Variants in SDHB observed in about 807,000 individuals in gnomAD.
SDHB encodes the protein succinate dehydrogenase complex iron sulfur subunit B.
SDHB carries 21 observed loss-of-function variants against 39.7 expected under a neutral mutation model. That is an observed-to-expected ratio of 0.53 (90% confidence interval 0.37 to 0.76). SDHB has a LOEUF of 0.76. Among genes scored for constraint, SDHB ranks in the 30% least tolerant of loss-of-function variants. The pLI is 0.00. For synonymous variants in SDHB, 118 were observed against 117.0 expected (o/e 1.01, Z -0.06); for missense variants, 343 against 350.9 (o/e 0.98, Z 0.18).
intron 7 of SDHB, among the ~76,000 whole-genome samples, chr1:17,021,068 A>G (rs1014581113): frequency 3.3e-5 from 5 of 152,188 alleles, no homozygotes; most frequent in African/African-American, 9.7e-5. Context: ...GTTCTGAACC[A>G]CACAGCCCTA....
intron 2 of SDHB, among the ~76,000 whole-genome samples, chr1:17,034,147 A>ATT (rs34218856): frequency 1.3e-5 from 2 of 151,318 alleles, no homozygotes; most frequent in Non-Finnish European, 2.9e-5. Context: ...TCTGTATTTC[A>ATT]TTTTTTTTCT....
At chr1:17,030,538 C>T (rs577858775) in intron 3 of SDHB, among the ~76,000 whole-genome samples, 10 of 152,154 alleles carry the variant, frequency 6.6e-5, no homozygotes, top group Non-Finnish European at 1.3e-4. Context: ...CCTGGACCTA[C>T]TTCCTGTATA....
chr1:17,035,171 CAT>C (rs1227836760), intron 2 of SDHB, among the ~76,000 whole-genome samples: 1 of 152,180 alleles, frequency 6.6e-6, no homozygotes, highest in Non-Finnish European at 1.5e-5. Flanking sequence ...TTTAAACATA[CAT>C]GAGTTAAATG....
chr1:17,045,995 T>C (rs2078108667), intron 1 of SDHB, among the ~76,000 whole-genome samples: 1 of 152,226 alleles, frequency 6.6e-6, no homozygotes, highest in South Asian at 2.1e-4. Flanking sequence ...TCCAATTTTT[T>C]GTTCAACATG....
intron 5 of SDHB, 63 bp from the exon 6 acceptor site, chr1:17,024,137 T>C (rs2077979356): frequency 2.6e-6 from 3 of 1,152,706 alleles, no homozygotes; most frequent in Non-Finnish European, 3.9e-6. Flanking sequence ...TGTCTTCAGC[T>C]GATTAAATGT....
chr1:17,029,693 G>T (rs1294560940), intron 3 of SDHB, among the ~76,000 whole-genome samples: 3 of 152,194 alleles, frequency 2.0e-5, no homozygotes, highest in Non-Finnish European at 4.4e-5. Context: ...TAAGGTTGAA[G>T]TGACCTGGAT....
chr1:17,045,512 C>A (rs2078104353), intron 1 of SDHB, among the ~76,000 whole-genome samples: 1 of 152,004 alleles, frequency 6.6e-6, no homozygotes, highest in Non-Finnish European at 1.5e-5. Context: ...AGTGGGAGGA[C>A]TGCTTGGGCC....
chr1:17,040,272 C>T (rs2078072938), intron 2 of SDHB, among the ~76,000 whole-genome samples: 1 of 152,182 alleles, frequency 6.6e-6, no homozygotes, highest in Admixed American at 6.5e-5. Flanking sequence ...AACTTGACTT[C>T]ATGGAACAGG....
At chr1:17,030,886 T>A (rs1432344051) in intron 3 of SDHB, among the ~76,000 whole-genome samples, 1 of 152,036 alleles carries the variant, frequency 6.6e-6, no homozygotes, top group Non-Finnish European at 1.5e-5. Flanking sequence ...TTTACCACGT[T>A]GGTCAGGCTG....
chr1:17,047,155 A>G (rs1445515032), intron 1 of SDHB, among the ~76,000 whole-genome samples: 3 of 152,254 alleles, frequency 2.0e-5, no homozygotes, highest in South Asian at 4.2e-4. Context: ...CAGGAGTTCA[A>G]GACCAGCCTG....
chr1:17,047,840 A>G (rs1345461449), intron 1 of SDHB, among the ~76,000 whole-genome samples: 1 of 151,998 alleles, frequency 6.6e-6, no homozygotes, highest in Non-Finnish European at 1.5e-5. Flanking sequence ...ATGCCCAGTT[A>G]GTTTTTTTAC....
chr1:17,040,023 T>G (rs1315673269), intron 2 of SDHB, among the ~76,000 whole-genome samples: 1 of 152,368 alleles, frequency 6.6e-6, no homozygotes, highest in Non-Finnish European at 1.5e-5. Flanking sequence ...TGAATTCTTT[T>G]CTTTTCTGTT....
intron 7 of SDHB, among the ~76,000 whole-genome samples, chr1:17,020,237 A>G (rs1232843138): frequency 6.6e-6 from 1 of 152,158 alleles, no homozygotes; most frequent in Non-Finnish European, 1.5e-5. Context: ...AGGTTGGTAC[A>G]TACCCAATCC....
chr1:17,047,996 A>G (rs970208364), intron 1 of SDHB, among the ~76,000 whole-genome samples: 1 of 152,094 alleles, frequency 6.6e-6, no homozygotes, highest in Admixed American at 6.5e-5. Context: ...CTCTTTACCC[A>G]GTCTCCCCAA....
At chr1:17,034,530 G>GCCA (rs2078041322) in intron 2 of SDHB, among the ~76,000 whole-genome samples, 1 of 152,000 alleles carries the variant, frequency 6.6e-6, no homozygotes, top group Non-Finnish European at 1.5e-5. Flanking sequence ...ACAGGTGCAT[G>GCCA]CCACCACACC....
Position 17,022,694 on chromosome 1 carries a change from T to C in SDHB, c.679A>G (p.Thr227Ala), listed in dbSNP as rs1191046308. 1.2e-6 allele frequency: 2 copies of C among 1,613,888 alleles called. No individual in the cohort carries two copies. The highest frequency in any genetic ancestry group is 3.3e-5 in the Admixed American group (2 of 60,010). The part of the protein sequence containing the change: ...RWMIDSRDDF[T>A]EERLAKLQDP... ...TGCAGCTTGGCCAGGCGCTCCTCTG[T>C]GAAGTCATCTCTGGAGTCAATCATC... The change falls in exon 7 of 8, where the codon ACA becomes GCA. Residue 227 changes from threonine (T) to alanine (A), a missense_variant. Transcript: ENST00000375499.
intron 2 of SDHB, among the ~76,000 whole-genome samples, chr1:17,038,822 A>G (rs2078063342): frequency 6.6e-6 from 1 of 152,226 alleles, no homozygotes; most frequent in African/African-American, 2.4e-5. Flanking sequence ...CTGTTAAAAT[A>G]TACACACTGT....
chr1:17,049,009 C>G (rs570100887), intron 1 of SDHB, among the ~76,000 whole-genome samples: 1 of 151,770 alleles, frequency 6.6e-6, no homozygotes, highest in Admixed American at 6.6e-5. Flanking sequence ...CCTTGCCCGG[C>G]CTTTATTTTT....
chr1:17,023,705 C>T (rs1051655168), intron 6 of SDHB, among the ~76,000 whole-genome samples: 2 of 152,196 alleles, frequency 1.3e-5, no homozygotes, highest in African/African-American at 4.8e-5. Flanking sequence ...ACCAGGCAAA[C>T]GGAAATACAT....
Sources: gnomAD v4.1 joint callset for allele counts (sites outside exome capture counted in the v4.1 genomes callset) on GRCh38, gnomAD v4.1.1 for gene constraint, MANE v1.5 for transcripts, NCBI Gene and HGNC (gene_info 2026-07-23, HGNC 2026-07-21) for gene names.